TAOK3: variants seen among roughly 807,000 people sequenced by gnomAD.
TAOK3 encodes TAO kinase 3, also known as serine/threonine-protein kinase TAO3.
A neutral mutation model predicts 120.4 loss-of-function variants in TAOK3; 40 were observed. The ratio of observed to expected loss-of-function variants is 0.33; its 90% CI spans 0.26 to 0.43. The LOEUF (loss-of-function observed/expected upper bound fraction) is 0.43, where lower values mean the gene tolerates loss of function less well. TAOK3 is among the 20% of genes least tolerant of loss of function. The probability of loss-of-function intolerance (pLI) is 1.00; values close to 1 mark genes in which losing one functional copy is unlikely to be tolerated. For missense variants in TAOK3, 821 were observed against 1,112.1 expected (o/e 0.74, Z 3.72); for synonymous variants, 355 against 387.5 (o/e 0.92, Z 0.99).
chr12:118,323,291 T>C lies in TAOK3; in HGVS notation c.-194+49357A>G, dbSNP rs146453492. ...TCTCAAAAACAGAACCAAATACACA[T>C]AGATATTTAATATATATGTTGCCTC... is the stretch of plus-strand genomic sequence containing the variant. On this transcript the variant is annotated intron_variant, in intron 1 of 20. Coordinates refer to ENST00000392533, the MANE Select transcript of TAOK3 (RefSeq NM_016281.4). Among the ~76,000 whole-genome samples the C allele has an allele frequency of 2.4e-4, 36 of 152,206 alleles. No homozygotes were observed. The East Asian group carries it at 4.4e-3, about 19-fold the overall frequency.
chr12:118,216,928 C>CAAAAAAAAAAAAA (rs11298822), intron 9 of TAOK3, among the ~76,000 whole-genome samples: 1 of 89,932 alleles, frequency 1.1e-5, no homozygotes, highest in Non-Finnish European at 2.2e-5. Context: ...GACTCCATCT[C>CAAAAAAAAAAAAA]AAAAAAAAAA....
chr12:118,211,700 C>G (rs999398519), intron 11 of TAOK3, among the ~76,000 whole-genome samples: 2 of 151,396 alleles, frequency 1.3e-5, no homozygotes, highest in African/African-American at 4.9e-5. Context: ...ACTATAACCT[C>G]AAAATCCTGG....
At chr12:118,169,316 AC>A (rs796532171) in intron 17 of TAOK3, among the ~76,000 whole-genome samples, 23,053 of 65,590 alleles carry the variant, frequency 0.35, 1,686 homozygotes, top group South Asian at 0.49. Context: ...GCCCACCCCC[AC>A]CCCCCCCCCT....
At chr12:118,243,258 G>A (rs7974718) in intron 5 of TAOK3, among the ~76,000 whole-genome samples, 157 bp downstream of exon 5, 26,591 of 151,578 alleles carry the variant, frequency 0.18, 2,404 homozygotes, top group East Asian at 0.26. Flanking sequence ...TATATACCAA[G>A]TGACACACCA....
intron 1 of TAOK3, among the ~76,000 whole-genome samples, chr12:118,337,772 G>A (rs1234832346): frequency 6.6e-6 from 1 of 152,188 alleles, no homozygotes; most frequent in East Asian, 1.9e-4. Context: ...TGGTGGAAGG[G>A]GGATGGGAGG....
chr12:118,296,750 T>C (rs2042695627), intron 1 of TAOK3, among the ~76,000 whole-genome samples: 1 of 152,256 alleles, frequency 6.6e-6, no homozygotes, highest in African/African-American at 2.4e-5. Flanking sequence ...AGAATCAATA[T>C]TTCAAATTAC....
rs1004380827 is a variant in TAOK3, at chr12:118,160,005, G to A, written c.2352+141C>T. 19 of 729,262 alleles carry A rather than the reference G, an allele frequency of 2.6e-5. No homozygotes were observed. Among genetic ancestry groups the A allele is most frequent in the Middle Eastern group, 2.9e-4 (1 of 3,408 alleles). The allele number at this position is 729,262 out of a possible 1,614,324, so 45.2% of individuals were successfully genotyped here. A position where few individuals can be genotyped will look rare whatever the true frequency, so the allele number is the denominator to read the frequency against. ...CATTGGCTTGGCTTTATTCAACGTC[G>A]TCCTTTCCTCAGTCCTTTGGGCAGA... On this transcript the variant is annotated intron_variant, in intron 19 of 20. Coordinates refer to ENST00000392533, the MANE Select transcript of TAOK3 (RefSeq NM_016281.4). This position sits in a 1 kb window ranked among gnomAD's most constrained non-coding sequence, Gnocchi z 4.2.
At chr12:118,173,314 C>T (rs1022070573) in intron 16 of TAOK3, among the ~76,000 whole-genome samples, 4 of 152,090 alleles carry the variant, frequency 2.6e-5, no homozygotes, top group Non-Finnish European at 5.9e-5. Flanking sequence ...GTAGGCAGGA[C>T]CATTGAGGCT....
At chr12:118,347,462 G>T (rs758499909) in intron 1 of TAOK3, among the ~76,000 whole-genome samples, 6 of 152,066 alleles carry the variant, frequency 3.9e-5, no homozygotes, top group Non-Finnish European at 8.8e-5. Flanking sequence ...AGGGGAGGAG[G>T]GGGAGCTTTT....
chr12:118,263,994 A>G (rs898318642), intron 2 of TAOK3, among the ~76,000 whole-genome samples: 1 of 152,212 alleles, frequency 6.6e-6, no homozygotes, highest in East Asian at 1.9e-4. Flanking sequence ...TGAACCCAGG[A>G]GGTGGAAGTT....
chr12:118,251,567 T>C (rs949032150), intron 3 of TAOK3, among the ~76,000 whole-genome samples: 6 of 152,174 alleles, frequency 3.9e-5, no homozygotes, highest in Non-Finnish European at 8.8e-5. Flanking sequence ...ATTTAGTGCC[T>C]ACTGTAAATG....
At chr12:118,170,112 C>CT (rs1184354458) in intron 17 of TAOK3, among the ~76,000 whole-genome samples, 3 of 152,026 alleles carry the variant, frequency 2.0e-5, no homozygotes, top group Non-Finnish European at 1.5e-5. Context: ...TACCACCAGC[C>CT]TTGTCCATAT....
At chr12:118,296,147 C>T (rs532169663) in intron 1 of TAOK3, among the ~76,000 whole-genome samples, 6 of 152,022 alleles carry the variant, frequency 3.9e-5, no homozygotes, top group Non-Finnish European at 7.4e-5. Context: ...AAAGGTAAAA[C>T]GTATGTGGGA....
intron 19 of TAOK3, chr12:118,152,623 A>G (rs753953133): frequency 7.8e-6 from 4 of 512,690 alleles, no homozygotes; most frequent in Non-Finnish European, 1.4e-5. Context: ...TCTTTTCAGT[A>G]TGATCTGAAA....
intron 6 of TAOK3, 35 bp from the exon 7 acceptor site, chr12:118,238,204 T>A: frequency 8.1e-7 from 1 of 1,241,492 alleles, no homozygotes; most frequent in Non-Finnish European, 1.2e-6. Flanking sequence ...CAGTAGATGA[T>A]CAGTTTCATT....
intron 2 of TAOK3, among the ~76,000 whole-genome samples, chr12:118,258,023 T>A (rs944008120): frequency 1.1e-4 from 17 of 152,208 alleles, no homozygotes; most frequent in Admixed American, 7.9e-4. Context: ...AAATATTTTT[T>A]AATATAAGGA....
At chr12:118,152,922 G>A (rs1041386316) in intron 19 of TAOK3, among the ~76,000 whole-genome samples, 6 of 152,226 alleles carry the variant, frequency 3.9e-5, no homozygotes, top group Non-Finnish European at 8.8e-5. Context: ...GGTTTCAACT[G>A]ATCATGTCCT....
At chr12:118,203,767 C>G (rs1378087102) in intron 11 of TAOK3, among the ~76,000 whole-genome samples, 1 of 151,712 alleles carries the variant, frequency 6.6e-6, no homozygotes, top group Non-Finnish European at 1.5e-5. Flanking sequence ...GGGTTACCAC[C>G]TGTTGTAAAA....
intron 19 of TAOK3, among the ~76,000 whole-genome samples, chr12:118,157,167 C>T (rs1039202070): frequency 6.6e-6 from 1 of 152,132 alleles, no homozygotes; most frequent in Non-Finnish European, 1.5e-5. Context: ...CCCCCTTCAT[C>T]CCGACTGCCC....
Sources: allele counts gnomAD v4.1 joint callset (sites outside exome capture counted in the v4.1 genomes callset), GRCh38; gene constraint gnomAD v4.1.1; non-coding constraint Gnocchi (gnomAD v3.1); transcripts MANE v1.5; gene names NCBI Gene and HGNC (gene_info 2026-07-23, HGNC 2026-07-21).